The following CCKBR variants were observed in gnomAD, a reference collection of about 807,000 sequenced individuals.
The protein encoded by CCKBR is cholecystokinin B receptor, also known as gastrin/cholecystokinin type B receptor.
Under a neutral mutation model 34.6 loss-of-function variants are expected in CCKBR, and 33 were observed. The observed-to-expected ratio is 0.95, with a 90% CI of 0.72 to 1.27. The LOEUF (loss-of-function observed/expected upper bound fraction) is 1.27, where lower values mean the gene tolerates loss of function less well. CCKBR is among the 50% of genes most tolerant of loss of function. CCKBR has a pLI of 0.00. For missense variants in CCKBR, 652 were observed against 617.4 expected (o/e 1.06, Z -0.59); for synonymous variants, 269 against 267.5 (o/e 1.01, Z -0.06).
At chr11:6,264,800 AT>A (rs1477062996) in intron 1 of CCKBR, among the ~76,000 whole-genome samples, 3 of 152,172 alleles carry the variant, frequency 2.0e-5, no homozygotes, top group Admixed American at 2.0e-4. Flanking sequence ...CTAATGGATT[AT>A]TTTTAGAGCA....
intron 1 of CCKBR, among the ~76,000 whole-genome samples, chr11:6,261,454 A>T (rs868580092): frequency 0.29 from 17,594 of 60,914 alleles, 3,218 homozygotes; most frequent in Middle Eastern, 0.44. Context: ...AAAAAAAAAA[A>T]ATATATATAC....
intron 1 of CCKBR, among the ~76,000 whole-genome samples, chr11:6,266,960 A>G (rs963489963): frequency 6.6e-6 from 1 of 152,198 alleles, no homozygotes; most frequent in Admixed American, 6.5e-5. Flanking sequence ...GAGTAACACA[A>G]TGTTATGTAT....
intron 1 of CCKBR, among the ~76,000 whole-genome samples, chr11:6,266,156 G>A (rs1848206244): frequency 6.6e-6 from 1 of 152,134 alleles, no homozygotes; most frequent in Non-Finnish European, 1.5e-5. Flanking sequence ...TGAGTATAGA[G>A]AGAGGGAGAA....
chr11:6,264,641 C>G (rs1344775450), intron 1 of CCKBR: 5 of 667,878 alleles, frequency 7.5e-6, no homozygotes, highest in Non-Finnish European at 1.4e-5. Context: ...CAGGTGCTAT[C>G]TCCCATCCTT....
At chr11:6,264,431 G>A (rs1007418018) in intron 1 of CCKBR, 39 of 615,932 alleles carry the variant, frequency 6.3e-5, no homozygotes, top group African/African-American at 2.2e-4. Context: ...TTTATGTCAC[G>A]TTGTCTGGAT....
At position 6,259,918 on chromosome 11, in the gene CCKBR, C is replaced by A. The variant is rs1375842514; in HGVS notation, c.-11C>A. 1.4e-6 allele frequency: 2 copies of A among 1,431,276 alleles called. No homozygotes were observed. Among genetic ancestry groups the A allele is most frequent in the East Asian group, 3.0e-5 (1 of 32,956 alleles). 88.7% of individuals were successfully genotyped at this position (1,431,276 alleles called of 1,614,324 possible). On this transcript the variant is annotated 5_prime_UTR_variant, in exon 1 of 5. Coordinates refer to ENST00000334619, the MANE Select transcript of CCKBR (RefSeq NM_176875.4). ...GTCGAGCTGAGTAAGGCGGCGGGCT[C>A]GGCGGGGGCCATGGAGCTGCTAAAG...
intron 1 of CCKBR, among the ~76,000 whole-genome samples, chr11:6,261,866 G>C (rs908117895): frequency 2.6e-5 from 4 of 152,188 alleles, no homozygotes; most frequent in African/African-American, 9.7e-5. Flanking sequence ...ATATTACACT[G>C]TTCTGGGTGA....
intron 2 of CCKBR, 66 bp downstream of exon 2, chr11:6,269,986 G>C (rs1253489393): frequency 1.4e-5 from 22 of 1,600,832 alleles, no homozygotes; most frequent in Admixed American, 1.7e-5. Context: ...GTGGATGTAG[G>C]GGTCTTCCCC....
rs764889395 is a variant in CCKBR at position 6,259,967 on chromosome 11, C to T, written c.39C>T (p.Thr13=). 29 of 1,547,212 alleles carry T rather than the reference C, an allele frequency of 1.9e-5. No homozygotes were observed. The highest frequency in any genetic ancestry group is 2.4e-5 in the South Asian group (2 of 83,606). ...LLKLNRSVQG[T]GPGPGASLCR... The stretch of plus-strand genomic sequence containing the variant: ...AGCTGAACCGGAGCGTGCAGGGAAC[C>T]GGACCCGGGCCGGGGGCTTCCCTGT... The change falls in exon 1 of 5, where the codon ACC becomes ACT. Residue 13 remains threonine, a synonymous_variant. Transcript: ENST00000334619.
chr11:6,271,463 G>C lies in CCKBR; in HGVS notation c.1264G>C (p.Asp422His), dbSNP rs746523028. ...PPRARPRALP[D>H]EDPPTPSIAS... ...ACGAGCTCGCCCCAGGGCTCTTCCC[G>C]ATGAGGACCCTCCCACTCCCTCCAT... is the stretch of plus-strand genomic sequence containing the variant. Residue 422 changes from aspartate to histidine, a missense_variant, in exon 5 of 5, where the codon GAT (aspartate) becomes CAT (histidine). By Grantham distance (81) the Asp-to-His change is moderately conservative (BLOSUM62 -1). Transcript: ENST00000334619. 10 of 1,613,020 alleles carry C rather than the reference G, an allele frequency of 6.2e-6. No individual in the cohort carries two copies. The highest frequency in any genetic ancestry group is 8.5e-6 in the Non-Finnish European group (10 of 1,179,988).
intron 1 of CCKBR, among the ~76,000 whole-genome samples, chr11:6,269,146 AAGTATTTTTTT>A (rs1564887533): frequency 8.9e-4 from 128 of 143,142 alleles, no homozygotes; most frequent in African/African-American, 3.0e-3. Flanking sequence ...AGAGTAAGTG[AAGTATTTTTTT>A]TTTTTTTTTT....
Position 6,270,976 on chromosome 11 carries a change from G to T in CCKBR, c.812-35G>T, listed in dbSNP as rs1411236462. 8 of 1,613,008 alleles carry T rather than the reference G, an allele frequency of 5.0e-6. No homozygotes were observed. In the Admixed American group the frequency reaches 8.3e-5, roughly 17 times the overall value. On this transcript the variant is annotated intron_variant, in intron 4 of 4. Transcript: ENST00000334619. ...ACTGGGCTGGAGACTGGGGGGACTC[G>T]CCTTTTTCTCTGACCGCCCACCCTT...
intron 1 of CCKBR, among the ~76,000 whole-genome samples, chr11:6,269,146 AAGTATTTTTTTT>A (rs1564887535): frequency 1.0e-3 from 143 of 143,156 alleles, no homozygotes; most frequent in African/African-American, 3.4e-3. Context: ...AGAGTAAGTG[AAGTATTTTTTTT>A]TTTTTTTTTT....
rs1737587677 is a variant in CCKBR at position 6,270,103 on chromosome 11, T to C, written c.419T>C (p.Val140Ala). Reference protein sequence around the residue: ...VSYLMGVSVSVSTLSLVAIAL... With the variant: ...VSYLMGVSVSASTLSLVAIAL... ...CCTTGTTTAGGGGTGTCTGTGAGTG[T>C]GTCCACGCTAAGCCTCGTGGCCATC... The change falls in exon 3 of 5, where the codon GTG becomes GCG. Residue 140 changes from valine (V) to alanine (A), a missense_variant. By Grantham distance (64) the Val-to-Ala change is moderately conservative. Coordinates refer to ENST00000334619, the MANE Select transcript of CCKBR (RefSeq NM_176875.4). 1 of 1,606,538 alleles carries C rather than the reference T, an allele frequency of 6.2e-7. No homozygotes were observed. The highest frequency in any genetic ancestry group is 1.3e-5 in the African/African-American group (1 of 74,826).
At chr11:6,262,686 A>AAGAGAGAGAGAGAGAGAGAGAGAGAGAG in intron 1 of CCKBR, among the ~76,000 whole-genome samples, 1 of 119,202 alleles carries the variant, frequency 8.4e-6, no homozygotes, top group Non-Finnish European at 1.8e-5. Flanking sequence ...TAGGCAAAGA[A>AAGAGAGAGAGAGAGAGAGAGAGAGAGAG]AGAGAGAGAG....
chr11:6,259,987 C>T lies in CCKBR; in HGVS notation c.59C>T (p.Ser20Phe). 1.9e-6 allele frequency: 3 copies of T among 1,579,354 alleles called. No homozygotes were observed. Among genetic ancestry groups the T allele is most frequent in the Non-Finnish European group, 2.6e-6 (3 of 1,165,120 alleles). The change falls in exon 1 of 5, where the codon TCC becomes TTC. Residue 20 changes from serine (S) to phenylalanine (F), a missense_variant. Physicochemically the swap from Ser to Phe is radical, Grantham distance 155. Transcript: ENST00000334619. ...VQGTGPGPGA[S>F]LCRPGAPLLN... ...GGAACCGGACCCGGGCCGGGGGCTTCCCTGTGCCGCCCGGGGGCGCCTCTC... is the reference window on the plus strand; with the variant it reads ...GGAACCGGACCCGGGCCGGGGGCTTTCCTGTGCCGCCCGGGGGCGCCTCTC...
rs202235558 is a variant in CCKBR at position 6,260,021 on chromosome 11, C to T, written c.93C>T (p.Ser31=). Residue 31 remains serine, a synonymous_variant, in exon 1 of 5, where the codon AGC becomes AGT. Transcript: ENST00000334619. ...LCRPGAPLLN[S]SSVGNLSCEP... Reference sequence around the variant, plus strand: ...GCCCGGGGGCGCCTCTCCTCAACAGCAGCAGTGTGGGCAACCTCAGCTGCG... The same window carrying T: ...GCCCGGGGGCGCCTCTCCTCAACAGTAGCAGTGTGGGCAACCTCAGCTGCG... 4.8e-5 allele frequency: 76 copies of T among 1,595,486 alleles called. No individual in the cohort carries two copies. The highest frequency in any genetic ancestry group is 6.2e-5 in the Non-Finnish European group (73 of 1,172,460).
At position 6,259,919 on chromosome 11, in the gene CCKBR, G is replaced by A; in HGVS notation, c.-10G>A. On this transcript the variant is annotated 5_prime_UTR_variant, in exon 1 of 5. Transcript: ENST00000334619. ...TCGAGCTGAGTAAGGCGGCGGGCTC[G>A]GCGGGGGCCATGGAGCTGCTAAAGC... The A allele has an allele frequency of 1.4e-6, 2 of 1,433,724 alleles. No individual in the cohort carries two copies. Among genetic ancestry groups the A allele is most frequent in the Non-Finnish European group, 1.8e-6 (2 of 1,096,214 alleles). 88.8% of individuals were successfully genotyped at this position (1,433,724 alleles called of 1,614,324 possible). A position where few individuals can be genotyped will look rare whatever the true frequency, so the allele number is the denominator to read the frequency against.
In CCKBR at chr11:6,266,723, A is replaced by C. The variant is rs145638631; in HGVS notation, c.152-2946A>C. On this transcript the variant is annotated intron_variant, in intron 1 of 4. Transcript: ENST00000334619. Reference sequence around the variant, plus strand: ...TTTATTTGATGCCTACAATTTCTAAATAAATTGGTTTTTGTTATGAGAAAA... The same window carrying C: ...TTTATTTGATGCCTACAATTTCTAACTAAATTGGTTTTTGTTATGAGAAAA... 1.8e-4 allele frequency among the ~76,000 whole-genome samples: 27 copies of C among 152,308 alleles called. No individual in the cohort carries two copies. In the East Asian group the frequency reaches 5.2e-3, roughly 29 times the overall value.
Sources: gnomAD v4.1 joint callset for allele counts (sites outside exome capture counted in the v4.1 genomes callset) on GRCh38, gnomAD v4.1.1 for gene constraint, MANE v1.5 for transcripts, NCBI Gene and HGNC (gene_info 2026-07-23, HGNC 2026-07-21) for gene names.